PINK1: variants seen among roughly 807,000 people sequenced by gnomAD.
PINK1 encodes serine/threonine-protein kinase PINK1, mitochondrial.
PINK1 carries 58 observed loss-of-function variants against 56.0 expected under a neutral mutation model. That is an observed-to-expected ratio of 1.04 (90% CI 0.84 to 1.29). PINK1 has a LOEUF of 1.29. PINK1 is among the 50% of genes most tolerant of loss of function. PINK1 has a pLI of 0.00. For missense variants in PINK1, 745 were observed against 777.9 expected (o/e 0.96, Z 0.50); for synonymous variants, 354 against 339.3 (o/e 1.04, Z -0.48).
chr1:20,644,400 C>T, intron 3 of PINK1, 90 bp from the exon 4 acceptor site: 1 of 1,322,862 alleles, frequency 7.6e-7, no homozygotes, highest in Non-Finnish European at 1.1e-6. Flanking sequence ...TAATGAATGT[C>T]AGTGCCAGTG....
chr1:20,636,533 G>A (rs569520985), intron 1 of PINK1, among the ~76,000 whole-genome samples: 21 of 152,026 alleles, frequency 1.4e-4, no homozygotes, highest in African/African-American at 4.8e-4. Context: ...TAGTAGAGAC[G>A]GGGTTTCACT....
chr1:20,646,130 T>A (rs537316828), intron 5 of PINK1, among the ~76,000 whole-genome samples: 47 of 151,778 alleles, frequency 3.1e-4, no homozygotes, highest in African/African-American at 1.1e-3. Flanking sequence ...ATGTTTTAAA[T>A]TAGCCGGAAA....
intron 3 of PINK1, among the ~76,000 whole-genome samples, chr1:20,643,604 G>C (rs2053140736): frequency 6.6e-6 from 1 of 152,188 alleles, no homozygotes; most frequent in African/African-American, 2.4e-5. Flanking sequence ...ACTCTGTCTT[G>C]TTCTGTGCCA....
In PINK1 at chr1:20,650,622, G is replaced by C; in HGVS notation, c.1677G>C (p.Leu559=). 6.2e-7 allele frequency: 1 copy of C among 1,614,216 alleles called. No individual in the cohort carries two copies. The highest frequency in any genetic ancestry group is 8.5e-7 in the Non-Finnish European group (1 of 1,180,046). The change falls in exon 8 of 8, where the codon CTG becomes CTC. Residue 559 remains leucine (L), a synonymous_variant. Transcript: ENST00000321556. Reference sequence around the variant, plus strand: ...AAACAAAAATGAAGATGCTCTTTCTGGCTAACCTGGAGTGTGAAACGCTCT... The same window carrying C: ...AAACAAAAATGAAGATGCTCTTTCTCGCTAACCTGGAGTGTGAAACGCTCT... The part of the protein sequence containing the change: ...CVETKMKMLF[L]ANLECETLCQ...
In PINK1 at chr1:20,633,539, C is replaced by T. The variant is rs2053012865; in HGVS notation, c.-10C>T. ...CGGCGGCTGCGGGGGCACCGGGCCG[C>T]GGCGCCACCATGGCGGTGCGACAGG... On this transcript the variant is annotated 5_prime_UTR_variant, in exon 1 of 8. Coordinates refer to ENST00000321556, the MANE Select transcript of PINK1 (RefSeq NM_032409.3). 8.6e-7 allele frequency: 1 copy of T among 1,158,090 alleles called. No individual in the cohort carries two copies. The highest frequency in any genetic ancestry group is 1.1e-6 in the Non-Finnish European group (1 of 940,908). The allele number at this position is 1,158,090 out of a possible 1,614,324, so 71.7% of individuals were successfully genotyped here.
intron 1 of PINK1, among the ~76,000 whole-genome samples, chr1:20,634,642 T>A (rs2053037504): frequency 6.6e-6 from 1 of 152,162 alleles, no homozygotes; most frequent in African/African-American, 2.4e-5. Flanking sequence ...TGGCTCCCTA[T>A]GGGGATTGGC....
chr1:20,635,368 G>C (rs937675134), intron 1 of PINK1, among the ~76,000 whole-genome samples: 2 of 151,806 alleles, frequency 1.3e-5, no homozygotes, highest in African/African-American at 4.8e-5. Context: ...GGGCGCAGTG[G>C]TGGGCGCCTG....
Position 20,633,692 on chromosome 1 carries a change from G to T in PINK1, c.144G>T (p.Trp48Cys), listed in dbSNP as rs1390363246. ...AGCVRGERPG[W>C]AAGPGAEPRR... ...GTGTCCGCGGGGAGCGTCCAGGCTG[G>T]GCCGCAGGACCGGGCGCGGAGCCTC... The change falls in exon 1 of 8, where the codon TGG (tryptophan) becomes TGT (cysteine). Residue 48 changes from tryptophan to cysteine, a missense_variant. Transcript: ENST00000321556. 14 of 1,494,998 alleles carry T rather than the reference G, an allele frequency of 9.4e-6. No homozygotes were observed. Among genetic ancestry groups the T allele is most frequent in the Non-Finnish European group, 1.2e-5 (14 of 1,129,544 alleles). The allele number at this position is 1,494,998 out of a possible 1,614,324, so 92.6% of individuals were successfully genotyped here.
At chr1:20,645,951 C>T (rs1183664825) in intron 5 of PINK1, among the ~76,000 whole-genome samples, 3 of 151,954 alleles carry the variant, frequency 2.0e-5, no homozygotes, top group Non-Finnish European at 2.9e-5. Context: ...ACTTAAAGAA[C>T]AAGGACCTCA....
chr1:20,646,119 T>A (rs570348736), intron 5 of PINK1, among the ~76,000 whole-genome samples: 7 of 150,770 alleles, frequency 4.6e-5, no homozygotes, highest in South Asian at 2.1e-4. Flanking sequence ...AAAAAAAAAA[T>A]ATGTTTTAAA....
Position 20,633,527 on chromosome 1 carries a change from G to A in PINK1, c.-22G>A, listed in dbSNP as rs1179620570. Reference sequence around the variant, plus strand: ...TGGTGGCGGCAGCGGCGGCTGCGGGGGCACCGGGCCGCGGCGCCACCATGG... The same window carrying A: ...TGGTGGCGGCAGCGGCGGCTGCGGGAGCACCGGGCCGCGGCGCCACCATGG... On this transcript the variant is annotated 5_prime_UTR_variant, in exon 1 of 8. Transcript: ENST00000321556. The A allele has an allele frequency of 1.8e-6, 2 of 1,142,186 alleles. No individual in the cohort carries two copies. The highest frequency in any genetic ancestry group is 2.1e-6 in the Non-Finnish European group (2 of 931,146). The allele number at this position is 1,142,186 out of a possible 1,614,324, so 70.8% of individuals were successfully genotyped here. A position where few individuals can be genotyped will look rare whatever the true frequency, so the allele number is the denominator to read the frequency against.
chr1:20,648,912 A>G, intron 6 of PINK1, 83 bp from the exon 7 acceptor site: 1 of 1,465,684 alleles, frequency 6.8e-7, no homozygotes, highest in East Asian at 2.3e-5. Flanking sequence ...AGTTCAGATT[A>G]GCCCATGGAT....
At chr1:20,635,522 A>C (rs2053048325) in intron 1 of PINK1, among the ~76,000 whole-genome samples, 1 of 151,194 alleles carries the variant, frequency 6.6e-6, no homozygotes, top group African/African-American at 2.4e-5. Flanking sequence ...AGTTGTTTTC[A>C]CTGGCTACTT....
rs1273092826 is a variant in PINK1, at chr1:20,651,464, T to C, written c.*773T>C. 6.6e-6 allele frequency: 1 copy of C among 152,474 alleles called. No individual in the cohort carries two copies. Among genetic ancestry groups the C allele is most frequent in the Non-Finnish European group, 1.5e-5 (1 of 68,236 alleles). 9.4% of individuals were successfully genotyped at this position (152,474 alleles called of 1,614,324 possible). A position where few individuals can be genotyped will look rare whatever the true frequency, so the allele number is the denominator to read the frequency against. On this transcript the variant is annotated 3_prime_UTR_variant, in exon 8 of 8. Transcript: ENST00000321556. ...ACTTTATACATGATTTTTAGGAAGC[T>C]ATTGCCTAAATCAGCGTCAACATGC...
chr1:20,634,077 C>A, intron 1 of PINK1, 142 bp downstream of exon 1: 1 of 976,932 alleles, frequency 1.0e-6, no homozygotes, highest in Non-Finnish European at 1.5e-6. Context: ...TAAAGCTCAT[C>A]TATTTCACCA....
intron 5 of PINK1, among the ~76,000 whole-genome samples, chr1:20,646,805 A>C (rs1168197238): frequency 1.3e-5 from 2 of 152,116 alleles, no homozygotes; most frequent in Admixed American, 6.5e-5. Context: ...ACATCTGATA[A>C]ATTTTTGAAC....
intron 6 of PINK1, 123 bp from the exon 7 acceptor site, chr1:20,648,872 C>A: frequency 1.6e-6 from 2 of 1,286,612 alleles, no homozygotes; most frequent in Non-Finnish European, 2.2e-6. Flanking sequence ...TGAGCCACAG[C>A]TCACTCAAGC....
At chr1:20,644,850 C>T (rs548115934) in intron 4 of PINK1, among the ~76,000 whole-genome samples, 178 bp downstream of exon 4, 30 of 152,266 alleles carry the variant, frequency 2.0e-4, no homozygotes, top group Admixed American at 1.6e-3. Flanking sequence ...CCCTGTAGGA[C>T]GATTTTTCAT....
chr1:20,640,115 G>A, intron 3 of PINK1, 123 bp downstream of exon 3: 2 of 856,974 alleles, frequency 2.3e-6, no homozygotes, highest in Non-Finnish European at 3.8e-6. Flanking sequence ...GCTTAATGTT[G>A]GTGATGGATT....
Sources: allele counts gnomAD v4.1 joint callset (sites outside exome capture counted in the v4.1 genomes callset), GRCh38; gene constraint gnomAD v4.1.1; transcripts MANE v1.5; gene names NCBI Gene and HGNC (gene_info 2026-07-23, HGNC 2026-07-21).